Variants in BLK observed in about 807,000 individuals in gnomAD.
BLK encodes tyrosine-protein kinase Blk.
BLK carries 64 observed loss-of-function variants against 61.8 expected under a neutral mutation model. The ratio of observed to expected loss-of-function variants is 1.03; its 90% CI spans 0.85 to 1.27. The LOEUF (loss-of-function observed/expected upper bound fraction) is 1.27. Among genes scored for constraint, BLK ranks in the 50% most tolerant of loss-of-function variants. The probability of loss-of-function intolerance (pLI) is 0.00; values close to 1 mark genes in which losing one functional copy is unlikely to be tolerated. For missense variants in BLK, 853 were observed against 660.5 expected, an observed-to-expected ratio of 1.29 and a Z score of -3.19; for synonymous variants, 351 against 272.0, an observed-to-expected ratio of 1.29 and a Z score of -2.86.
chr8:11,524,251 G>A (rs1039297350), intron 1 of BLK, among the ~76,000 whole-genome samples: 1 of 152,098 alleles, frequency 6.6e-6, no homozygotes, highest in Non-Finnish European at 1.5e-5. Context: ...AATATAAACA[G>A]TTTGGCCCAT....
intron 9 of BLK, 95 bp from the exon 10 acceptor site, chr8:11,557,867 C>T (rs375294138): frequency 6.6e-5 from 72 of 1,089,788 alleles, no homozygotes; most frequent in Admixed American, 3.3e-4. Context: ...TCCCACTTCC[C>T]GCGCCCATGG....
In BLK at chr8:11,538,227, C is replaced by G. The variant is rs145357390; in HGVS notation, c.-1-4997C>G. On this transcript the variant is annotated intron_variant, in intron 1 of 12. Coordinates refer to ENST00000259089, the MANE Select transcript of BLK (RefSeq NM_001715.3). ...AAACATACACAGACTCACACCCTTC[C>G]CACAATGCAGCAAAGCCATCTGGAG... Among the ~76,000 whole-genome samples the G allele has an allele frequency of 5.8e-3, 888 of 152,316 alleles. 6 individuals carry two copies. Among genetic ancestry groups the G allele is most frequent in the Non-Finnish European group, 0.01 (701 of 68,030 alleles).
chr8:11,499,266 T>C (rs1798471274), intron 1 of BLK, among the ~76,000 whole-genome samples: 1 of 152,248 alleles, frequency 6.6e-6, no homozygotes, highest in Non-Finnish European at 1.5e-5. Flanking sequence ...AGCAACCGGC[T>C]ATGCCACAGA....
In BLK at chr8:11,555,394, C is replaced by G. The variant is rs568112977; in HGVS notation, c.682C>G (p.Pro228Ala). 1.9e-6 allele frequency: 3 copies of G among 1,614,160 alleles called. No homozygotes were observed. The highest frequency in any genetic ancestry group is 2.5e-6 in the Non-Finnish European group (3 of 1,180,020). The change falls in exon 8 of 13, where the codon CCC (proline) becomes GCC (alanine). Residue 228 changes from proline to alanine, a missense_variant. By Grantham distance (27) the Pro-to-Ala change is conservative. Transcript: ENST00000259089. ...CTGTGTGCGCCCGGCCCCGCAGAAT[C>G]CCTGGGCCCAGGATGAATGGGAGAT... ...LPCVRPAPQNPWAQDEWEIPR... is the reference protein window; with the variant it reads ...LPCVRPAPQNAWAQDEWEIPR...
chr8:11,554,796 C>A lies in BLK; in HGVS notation c.526C>A (p.His176Asn). Residue 176 changes from histidine to asparagine, a missense_variant, in exon 7 of 13, where the codon CAC (histidine) becomes AAC (asparagine). Physicochemically the swap from His to Asn is moderately conservative, Grantham distance 68 (BLOSUM62 1). Coordinates refer to ENST00000259089, the MANE Select transcript of BLK (RefSeq NM_001715.3). Reference sequence around the variant, plus strand: ...CACCACCCAGGGGGAGCTGATCAAGCACTATAAGATCCGCTGCCTGGATGA... The same window carrying A: ...CACCACCCAGGGGGAGCTGATCAAGAACTATAAGATCCGCTGCCTGGATGA... ...DVTTQGELIK[H>N]YKIRCLDEGG... 6.2e-7 allele frequency: 1 copy of A among 1,614,096 alleles called. No individual in the cohort carries two copies. The highest frequency in any genetic ancestry group is 8.5e-7 in the Non-Finnish European group (1 of 1,180,038).
intron 1 of BLK, among the ~76,000 whole-genome samples, chr8:11,534,407 C>G (rs902907478): frequency 3.9e-5 from 6 of 152,210 alleles, no homozygotes; most frequent in South Asian, 2.1e-4. Flanking sequence ...TGTTCCCCCC[C>G]CAAAAAAATT....
intron 1 of BLK, among the ~76,000 whole-genome samples, chr8:11,510,620 T>G (rs758046020): frequency 2.6e-5 from 4 of 152,104 alleles, no homozygotes; most frequent in Non-Finnish European, 4.4e-5. Flanking sequence ...GCTTTCTCTC[T>G]CTGTCTCTTT....
intron 1 of BLK, among the ~76,000 whole-genome samples, chr8:11,542,406 A>G (rs2245337): frequency 0.99 from 150,139 of 152,320 alleles, 74,004 homozygotes; most frequent in East Asian, 1. Flanking sequence ...TCTGCATCTC[A>G]AGGAAGAGCC....
intron 1 of BLK, among the ~76,000 whole-genome samples, chr8:11,495,637 G>A (rs1798336471): frequency 6.6e-6 from 1 of 152,154 alleles, no homozygotes; most frequent in African/African-American, 2.4e-5. Flanking sequence ...AAAATGTCAA[G>A]GTCATGAAAA....
At chr8:11,537,048 C>T (rs1244468349) in intron 1 of BLK, among the ~76,000 whole-genome samples, 2 of 152,152 alleles carry the variant, frequency 1.3e-5, no homozygotes, top group African/African-American at 4.8e-5. Flanking sequence ...AACCTCGTTG[C>T]TAGGAACTGT....
intron 1 of BLK, among the ~76,000 whole-genome samples, chr8:11,530,336 T>G (rs976836651): frequency 6.6e-6 from 1 of 152,224 alleles, no homozygotes; most frequent in Non-Finnish European, 1.5e-5. Context: ...AGTGACATTC[T>G]TTATTTGCCA....
At chr8:11,562,458 T>G (rs1021249513) in intron 11 of BLK, among the ~76,000 whole-genome samples, 1 of 152,170 alleles carries the variant, frequency 6.6e-6, no homozygotes, top group African/African-American at 2.4e-5. Context: ...CCCTGAGGTC[T>G]GCTCCAAATG....
chr8:11,561,539 C>CCCTGAGGGAAGACA (rs1250887983), intron 11 of BLK, 87 bp downstream of exon 11: 6 of 1,522,816 alleles, frequency 3.9e-6, no homozygotes, highest in Non-Finnish European at 4.5e-6. Flanking sequence ...CCCAGCACAG[C>CCCTGAGGGAAGACA]CCTGAGGGAA....
intron 1 of BLK, among the ~76,000 whole-genome samples, chr8:11,525,454 G>C (rs75651373): frequency 0.036 from 5,408 of 150,090 alleles, 261 homozygotes; most frequent in African/African-American, 0.11. Flanking sequence ...TTTCACACAA[G>C]CAGGATTATA....
At chr8:11,525,682 C>A (rs986484023) in intron 1 of BLK, among the ~76,000 whole-genome samples, 3 of 152,136 alleles carry the variant, frequency 2.0e-5, no homozygotes, top group African/African-American at 7.2e-5. Context: ...CTCAAAAGTT[C>A]GCCTTCCCTG....
intron 10 of BLK, chr8:11,558,747 C>T: frequency 2.2e-6 from 1 of 456,190 alleles, no homozygotes; most frequent in South Asian, 1.5e-5. Flanking sequence ...ATCTGGTGGC[C>T]CTGTTAAAAC....
intron 1 of BLK, chr8:11,509,813 A>C (rs560871504): frequency 6.6e-6 from 1 of 152,214 alleles, no homozygotes; most frequent in African/African-American, 2.4e-5. Flanking sequence ...AACACTGGCA[A>C]CCTAACACTT....
rs867279116 is a variant in BLK at position 11,555,969 on chromosome 8, C to G, written c.772+485C>G. 9.4e-3 allele frequency: 2,761 copies of G among 293,788 alleles called. 47 individuals are homozygous for G. Among genetic ancestry groups the G allele is most frequent in the African/African-American group, 0.037 (1,692 of 46,064 alleles). The allele number at this position is 293,788 out of a possible 1,614,324, so 18.2% of individuals were successfully genotyped here. A position where few individuals can be genotyped will look rare whatever the true frequency, so the allele number is the denominator to read the frequency against. On this transcript the variant is annotated intron_variant, in intron 8 of 12. Transcript: ENST00000259089. ...TGCTGACACCTGCCCCCTTCCCCCC[C>G]CCGCCCACCAGGATATAAAACTCGT...
chr8:11,546,920 GT>G (rs573993420), intron 3 of BLK, among the ~76,000 whole-genome samples: 151 of 152,366 alleles, frequency 9.9e-4, no homozygotes, highest in South Asian at 2.5e-3. Context: ...GCTGGGTACT[GT>G]AGGGAATGAG....
Sources: allele counts gnomAD v4.1 joint callset (sites outside exome capture counted in the v4.1 genomes callset), GRCh38; gene constraint gnomAD v4.1.1; transcripts MANE v1.5; gene names NCBI Gene and HGNC (gene_info 2026-07-23, HGNC 2026-07-21).